Variants in ZNF713 observed in about 807,000 individuals in gnomAD.
ZNF713 encodes the protein zinc finger protein 713.
ZNF713 carries 21 observed loss-of-function variants against 28.7 expected under a neutral mutation model. The ratio of observed to expected loss-of-function variants is 0.73; its 90% confidence interval spans 0.52 to 1.05. ZNF713 has a LOEUF of 1.05. ZNF713 is among the 50% of genes least tolerant of loss of function. The pLI is 0.00. For missense variants in ZNF713, 458 were observed against 532.4 expected, an observed-to-expected ratio of 0.86 and a Z score of 1.37; for synonymous variants, 167 against 178.0, an observed-to-expected ratio of 0.94 and a Z score of 0.49.
rs972927909 is a variant in ZNF713, at chr7:55,938,881, G to A, written c.308-101G>A. 4 of 1,252,290 alleles carry A rather than the reference G, an allele frequency of 3.2e-6. No individual in the cohort carries two copies. In the African/African-American group the frequency reaches 6.0e-5, roughly 19 times the overall value. The allele number at this position is 1,252,290 out of a possible 1,614,324, so 77.6% of individuals were successfully genotyped here. ...CCGTGTATGCCTTGTACACATTACT[G>A]TCAGTTTTATTTGGTAATTCGCTGT... is the stretch of plus-strand genomic sequence containing the variant. On this transcript the variant is annotated intron_variant, in intron 6 of 6. Coordinates refer to ENST00000429591, the MANE Select transcript of ZNF713 (RefSeq NM_182633.3).
At chr7:55,892,294 A>G (rs1300675210) in intron 1 of ZNF713, among the ~76,000 whole-genome samples, 1 of 124,252 alleles carries the variant, frequency 8.0e-6, no homozygotes, top group East Asian at 2.0e-4. Flanking sequence ...AAAAAAAAAA[A>G]AAAAAAAAAA....
At chr7:55,927,915 A>AAAAAAG (rs1476409133) in intron 6 of ZNF713, among the ~76,000 whole-genome samples, 1,855 of 147,750 alleles carry the variant, frequency 0.013, 60 homozygotes, top group Non-Finnish European at 0.022. Flanking sequence ...AAAAAAAAAA[A>AAAAAAG]AAAAAGCCAC....
chr7:55,901,451 C>A (rs188630372), intron 1 of ZNF713, among the ~76,000 whole-genome samples: 1 of 152,264 alleles, frequency 6.6e-6, no homozygotes, highest in Admixed American at 6.5e-5. Flanking sequence ...ACCACATCAA[C>A]TATGTAAATA....
chr7:55,910,734 G>A (rs1019756374), intron 2 of ZNF713, among the ~76,000 whole-genome samples: 1 of 152,058 alleles, frequency 6.6e-6, no homozygotes, highest in African/African-American at 2.4e-5. Flanking sequence ...GGCCTCACGT[G>A]ATCTGCCTGC....
At chr7:55,915,526 G>A (rs1387641433) in intron 4 of ZNF713, among the ~76,000 whole-genome samples, 4 of 152,202 alleles carry the variant, frequency 2.6e-5, no homozygotes, top group Admixed American at 2.0e-4. Flanking sequence ...AAAACAGGGT[G>A]CTATGAATAC....
chr7:55,928,171 C>T (rs990578651), intron 6 of ZNF713, among the ~76,000 whole-genome samples: 3 of 152,094 alleles, frequency 2.0e-5, no homozygotes, highest in Admixed American at 6.6e-5. Flanking sequence ...TGACCAAAGA[C>T]GAGCAGAGGC....
chr7:55,914,257 A>G (rs1785839396), intron 4 of ZNF713, among the ~76,000 whole-genome samples: 1 of 152,176 alleles, frequency 6.6e-6, no homozygotes, highest in African/African-American at 2.4e-5. Flanking sequence ...CACATCAGAT[A>G]CCGGTCTCAA....
chr7:55,901,620 T>G (rs1785579807), intron 1 of ZNF713, among the ~76,000 whole-genome samples: 1 of 152,186 alleles, frequency 6.6e-6, no homozygotes, highest in Non-Finnish European at 1.5e-5. Context: ...TCTGGAGAAC[T>G]TCCAGATTGG....
At chr7:55,894,127 C>T (rs965239252) in intron 1 of ZNF713, among the ~76,000 whole-genome samples, 3 of 152,216 alleles carry the variant, frequency 2.0e-5, no homozygotes, top group Non-Finnish European at 4.4e-5. Context: ...TACCACATGG[C>T]CTGCAGTTCT....
At chr7:55,915,757 A>C (rs539291143) in intron 4 of ZNF713, among the ~76,000 whole-genome samples, 18 of 152,318 alleles carry the variant, frequency 1.2e-4, no homozygotes, top group Non-Finnish European at 2.9e-5. Context: ...AGAAGTGAGC[A>C]GGTCTTAAAT....
intron 1 of ZNF713, 95 bp downstream of exon 1, chr7:55,887,775 GGGGGGCGGAGGCGGGGGGC>G (rs1238549968): frequency 0.062 from 82 of 1,314 alleles, 17 homozygotes; most frequent in Non-Finnish European, 0.08. Flanking sequence ...GGGCGGAGGC[GGGGGGCGGAGGCGGGGGGC>G]GGAGGCGGGG....
chr7:55,928,313 G>A (rs891233306), intron 6 of ZNF713, among the ~76,000 whole-genome samples: 4 of 152,202 alleles, frequency 2.6e-5, no homozygotes, highest in African/African-American at 9.6e-5. Context: ...GGTTGAGGGT[G>A]TTAGATTTTA....
intron 4 of ZNF713, among the ~76,000 whole-genome samples, chr7:55,921,265 CAAG>C (rs1328933620): frequency 6.6e-6 from 1 of 152,170 alleles, no homozygotes; most frequent in Non-Finnish European, 1.5e-5. Context: ...TGGAGATGTA[CAAG>C]AAGACTAATG....
At chr7:55,917,098 C>T (rs1785894227) in intron 4 of ZNF713, among the ~76,000 whole-genome samples, 1 of 151,952 alleles carries the variant, frequency 6.6e-6, no homozygotes, top group African/African-American at 2.4e-5. Flanking sequence ...CCTGTAGTCC[C>T]AGCTTCTTGG....
chr7:55,914,034 C>T (rs898023886), intron 4 of ZNF713, among the ~76,000 whole-genome samples: 1 of 150,784 alleles, frequency 6.6e-6, no homozygotes, highest in Non-Finnish European at 1.5e-5. Context: ...CCACTTGAAC[C>T]TGGTAGGCAG....
intron 6 of ZNF713, among the ~76,000 whole-genome samples, chr7:55,935,368 C>CTA (rs148739700): frequency 0.059 from 8,869 of 150,430 alleles, 611 homozygotes; most frequent in African/African-American, 0.17. Flanking sequence ...TGAAGTAGAC[C>CTA]TATATATATA....
chr7:55,909,114 G>T (rs931955407), intron 2 of ZNF713, among the ~76,000 whole-genome samples: 5 of 148,252 alleles, frequency 3.4e-5, no homozygotes, highest in African/African-American at 5.0e-5. Context: ...AGGAGAAATC[G>T]CTTGAACCAG....
intron 2 of ZNF713, among the ~76,000 whole-genome samples, chr7:55,909,813 TTTGTAAATGGGAATGCTA>T (rs1196979719): frequency 6.6e-6 from 1 of 152,186 alleles, no homozygotes; most frequent in Non-Finnish European, 1.5e-5. Context: ...GGGATTGCCT[TTTGTAAATGGGAATGCTA>T]TTGTAAATGG....
Position 55,939,299 on chromosome 7 carries a change from T to C in ZNF713, c.625T>C (p.Ser209Pro), listed in dbSNP as rs1185317952. The stretch of plus-strand genomic sequence containing the variant: ...TCCTTCCATTAAAATACCCCTGAAT[T>C]CTGACACACAGGGAAACAGCATCAA... Reference protein sequence around the residue: ...RIPSIKIPLNSDTQGNSIKHN... With the variant: ...RIPSIKIPLNPDTQGNSIKHN... Residue 209 changes from serine to proline, a missense_variant, in exon 7 of 7, where the codon TCT (serine) becomes CCT (proline). Ser to Pro is a moderately conservative substitution (Grantham distance 74, BLOSUM62 -1). Transcript: ENST00000429591. 1 of 1,614,034 alleles carries C rather than the reference T, an allele frequency of 6.2e-7. No individual in the cohort carries two copies. The highest frequency in any genetic ancestry group is 8.5e-7 in the Non-Finnish European group (1 of 1,179,976).
Sources: gnomAD v4.1 joint callset for allele counts (sites outside exome capture counted in the v4.1 genomes callset) on GRCh38, gnomAD v4.1.1 for gene constraint, MANE v1.5 for transcripts, NCBI Gene and HGNC (gene_info 2026-07-23, HGNC 2026-07-21) for gene names.